The following CCND3 variants were observed in gnomAD, a reference collection of about 807,000 sequenced individuals.
CCND3 encodes cyclin D3.
Under a neutral mutation model 28.7 loss-of-function variants are expected in CCND3, and 9 were observed. The observed-to-expected ratio is 0.31, with a 90% CI of 0.19 to 0.55. CCND3 has a LOEUF of 0.55. CCND3 is among the 20% of genes least tolerant of loss of function. The pLI is 0.93. For synonymous variants in CCND3, 164 were observed against 163.9 expected, an observed-to-expected ratio of 1.00 and a Z score of 0.00; for missense variants, 315 against 385.8, an observed-to-expected ratio of 0.82 and a Z score of 1.54.
At chr6:41,966,096 T>C (rs528171335) in intron 1 of CCND3, among the ~76,000 whole-genome samples, 19 of 152,246 alleles carry the variant, frequency 1.2e-4, no homozygotes, top group Admixed American at 1.2e-3. Flanking sequence ...ATAATATAAA[T>C]TGCATTTAGG....
intron 1 of CCND3, among the ~76,000 whole-genome samples, chr6:42,010,604 A>C (rs1763316848): frequency 6.6e-6 from 1 of 152,162 alleles, no homozygotes; most frequent in Admixed American, 6.6e-5. Context: ...GGCCGGGTTA[A>C]CTGACAGGAA....
chr6:42,039,775 G>A (rs576031303), intron 1 of CCND3, among the ~76,000 whole-genome samples: 15 of 152,328 alleles, frequency 9.8e-5, no homozygotes, highest in Admixed American at 5.9e-4. Flanking sequence ...TCCTGCTTCC[G>A]GGGCTGTGTG....
chr6:42,048,864 G>A lies in CCND3; in HGVS notation c.-409C>T. ...GGCTCATCCGGCGCCGCGCACCCCC[G>A]CCCGCAGCCCCCGCCCCACGCGGCA... On this transcript the variant is annotated 5_prime_UTR_variant, in exon 1 of 5. Transcript: ENST00000372988. This position sits in a 1 kb window ranked among gnomAD's most constrained non-coding sequence, Gnocchi z 4.7. 3.2e-6 allele frequency: 1 copy of A among 309,860 alleles called. No individual in the cohort carries two copies. 19.2% of individuals were successfully genotyped at this position (309,860 alleles called of 1,614,324 possible).
chr6:41,984,165 T>C (rs1762417483), intron 1 of CCND3, among the ~76,000 whole-genome samples: 1 of 152,242 alleles, frequency 6.6e-6, no homozygotes, highest in Non-Finnish European at 1.5e-5. Flanking sequence ...ATTGCATATA[T>C]AAATCACATT....
At position 41,939,824 on chromosome 6, in the gene CCND3, C is replaced by G. The variant is rs1239014170; in HGVS notation, c.414+546G>C. ...GTTTCTTCCGGGATATAAGAGGAAGCAAAGAAGGTGGGATGAAATACATCA... is the reference window on the plus strand; with the variant it reads ...GTTTCTTCCGGGATATAAGAGGAAGGAAAGAAGGTGGGATGAAATACATCA... On this transcript the variant is annotated intron_variant, in intron 2 of 4. Coordinates refer to ENST00000372991, the MANE Select transcript of CCND3 (RefSeq NM_001760.5). The surrounding 1 kb of genome is among the most constrained non-coding windows in gnomAD (Gnocchi z 4.2). Among the ~76,000 whole-genome samples the G allele has an allele frequency of 6.6e-6, 1 of 152,134 alleles. No individual in the cohort carries two copies. Among genetic ancestry groups the G allele is most frequent in the Admixed American group, 6.5e-5 (1 of 15,276 alleles).
At chr6:42,026,832 G>A (rs1753146918) in intron 1 of CCND3, among the ~76,000 whole-genome samples, 1 of 152,168 alleles carries the variant, frequency 6.6e-6, no homozygotes, top group South Asian at 2.1e-4. Context: ...CTGGCTGACG[G>A]ACCCAGCAGC....
intron 1 of CCND3, among the ~76,000 whole-genome samples, chr6:42,004,887 G>A (rs1439267695): frequency 6.6e-6 from 1 of 152,070 alleles, no homozygotes; most frequent in African/African-American, 2.4e-5. Flanking sequence ...TTTATCTATA[G>A]TCATAAACAC....
chr6:41,992,112 T>C (rs1397193056), intron 1 of CCND3, among the ~76,000 whole-genome samples: 1 of 152,180 alleles, frequency 6.6e-6, no homozygotes, highest in African/African-American at 2.4e-5. Context: ...AAATGCCCAG[T>C]AGTGGGATTG....
chr6:41,973,628 C>G (rs183560049), intron 1 of CCND3, among the ~76,000 whole-genome samples: 1 of 152,282 alleles, frequency 6.6e-6, no homozygotes, highest in East Asian at 1.9e-4. Context: ...CACCACCTAC[C>G]AGCTGCATGA....
At chr6:41,950,830 T>A (rs1343042758) in intron 1 of CCND3, among the ~76,000 whole-genome samples, 2 of 150,734 alleles carry the variant, frequency 1.3e-5, no homozygotes, top group Non-Finnish European at 3.0e-5. Flanking sequence ...TGCCACAGCC[T>A]CCCGAGTAGC....
At chr6:41,980,905 A>T (rs1324645511) in intron 1 of CCND3, among the ~76,000 whole-genome samples, 1 of 152,186 alleles carries the variant, frequency 6.6e-6, no homozygotes, top group Non-Finnish European at 1.5e-5. Context: ...ATCTGCAAAA[A>T]ACCCTACAAC....
chr6:42,039,852 C>T (rs1402291133), intron 1 of CCND3, among the ~76,000 whole-genome samples: 1 of 152,222 alleles, frequency 6.6e-6, no homozygotes, highest in African/African-American at 2.4e-5. Context: ...ACCTTCTTGG[C>T]TTAGTGGACA....
rs1183702581 is a variant in CCND3, at chr6:41,935,051, C to T, written c.*889G>A. The T allele has an allele frequency of 4.3e-6, 1 of 233,354 alleles. No homozygotes were observed. The highest frequency in any genetic ancestry group is 8.5e-6 in the Non-Finnish European group (1 of 118,076). The allele number at this position is 233,354 out of a possible 1,614,324, so 14.5% of individuals were successfully genotyped here. A position where few individuals can be genotyped will look rare whatever the true frequency, so the allele number is the denominator to read the frequency against. On this transcript the variant is annotated 3_prime_UTR_variant, in exon 5 of 5. Coordinates refer to ENST00000372991, the MANE Select transcript of CCND3 (RefSeq NM_001760.5). Reference sequence around the variant, plus strand: ...AAAGACCTGTGTCAACAGGGCTTGCCTCCCTCTCTAGACAGGGGCTCAGCC... The same window carrying T: ...AAAGACCTGTGTCAACAGGGCTTGCTTCCCTCTCTAGACAGGGGCTCAGCC...
chr6:42,022,090 G>A (rs9471733), intron 1 of CCND3, among the ~76,000 whole-genome samples: 13 of 152,234 alleles, frequency 8.5e-5, no homozygotes, highest in East Asian at 3.9e-4. Context: ...TGAAACAGTC[G>A]TGTGAGATGA....
intron 1 of CCND3, among the ~76,000 whole-genome samples, chr6:42,024,146 G>A (rs1402269700): frequency 1.3e-5 from 2 of 152,114 alleles, no homozygotes; most frequent in African/African-American, 2.4e-5. Context: ...GCTCACACCT[G>A]TAATCCCAGC....
chr6:41,952,230 G>A (rs1362849855), intron 1 of CCND3, among the ~76,000 whole-genome samples: 1 of 152,216 alleles, frequency 6.6e-6, no homozygotes, highest in Admixed American at 6.5e-5. Flanking sequence ...GCAAAAGTCT[G>A]TCTCAATTTG....
intron 1 of CCND3, among the ~76,000 whole-genome samples, chr6:41,968,376 T>G (rs1353155848): frequency 6.6e-6 from 1 of 152,188 alleles, no homozygotes; most frequent in Non-Finnish European, 1.5e-5. Context: ...GAATACTGGT[T>G]TTTTTAATTC....
rs766207886 is a variant in CCND3, at chr6:42,048,637, C to A, written c.-182G>T. 9.7e-6 allele frequency: 5 copies of A among 518,108 alleles called. No homozygotes were observed. Among genetic ancestry groups the A allele is most frequent in the African/African-American group, 1.9e-5 (1 of 51,954 alleles). The allele number at this position is 518,108 out of a possible 1,614,324, so 32.1% of individuals were successfully genotyped here. On this transcript the variant is annotated 5_prime_UTR_variant, in exon 1 of 5. Coordinates refer to the CCND3 transcript ENST00000372988. The surrounding 1 kb of genome is among the most constrained non-coding windows in gnomAD (Gnocchi z 4.7). ...AGGAGAGGATTGCACCTCTCCCCCC[C>A]GGCCGGCATCCGAACAGAGCCAGTC...
chr6:42,013,009 G>A lies in CCND3; in HGVS notation c.-46+35492C>T, dbSNP rs117088657. Among the ~76,000 whole-genome samples the A allele has an allele frequency of 1.2e-3, 183 of 152,234 alleles. 3 individuals are homozygous for A. In the East Asian group the frequency reaches 0.024, roughly 20 times the overall value. ...TCCTGGAGCCTCTACCCACTGGTCC[G>A]GTCCTGTTTTCTGGGTAGTGGGGCC... On this transcript the variant is annotated intron_variant, in intron 1 of 4. Transcript: ENST00000372988.
Sources: gnomAD v4.1 joint callset for allele counts (sites outside exome capture counted in the v4.1 genomes callset) on GRCh38, gnomAD v4.1.1 for gene constraint, Gnocchi (gnomAD v3.1) non-coding constraint, MANE v1.5 for transcripts, NCBI Gene and HGNC (gene_info 2026-07-23, HGNC 2026-07-21) for gene names.